TCERG1L: variants seen among roughly 807,000 people sequenced by gnomAD.
TCERG1L encodes transcription elongation regulator 1 like, also known as transcription elongation regulator 1-like protein.
Under a neutral mutation model 56.3 loss-of-function variants are expected in TCERG1L, and 37 were observed. That is an observed-to-expected ratio of 0.66 (90% confidence interval 0.51 to 0.87). The LOEUF is 0.87. Ranked by LOEUF, TCERG1L falls within the 40% of genes least tolerant of loss-of-function variation. TCERG1L has a pLI of 0.00. For synonymous variants in TCERG1L, 324 were observed against 326.3 expected, an observed-to-expected ratio of 0.99 and a Z score of 0.08; for missense variants, 799 against 774.2, an observed-to-expected ratio of 1.03 and a Z score of -0.38.
chr10:131,299,857 TTTTTA>T (rs1051586756), intron 3 of TCERG1L, among the ~76,000 whole-genome samples: 1 of 152,280 alleles, frequency 6.6e-6, no homozygotes. Context: ...TTGACACACA[TTTTTA>T]TTTTGTGTAT....
chr10:131,262,434 G>A (rs1293001873), intron 3 of TCERG1L, among the ~76,000 whole-genome samples: 3 of 152,250 alleles, frequency 2.0e-5, no homozygotes, highest in East Asian at 1.9e-4. Flanking sequence ...GCAGAATTAC[G>A]GCTGATTTTC....
intron 4 of TCERG1L, among the ~76,000 whole-genome samples, chr10:131,199,177 A>T (rs894319444): frequency 6.6e-6 from 1 of 152,132 alleles, no homozygotes; most frequent in Non-Finnish European, 1.5e-5. Flanking sequence ...TCTGGTGAAC[A>T]GCATCTGGCC....
In TCERG1L at chr10:131,163,358, G is replaced by C. The variant is rs1057291195; in HGVS notation, c.946-148C>G. ...AATGACCTCAGCACGGCAGCGCCTG[G>C]CTGGGAGGTTCTGCCAGGAACAGGG... is the stretch of plus-strand genomic sequence containing the variant. On this transcript the variant is annotated intron_variant, in intron 5 of 11. Coordinates refer to ENST00000368642, the MANE Select transcript of TCERG1L (RefSeq NM_174937.4). 3 of 622,822 alleles carry C rather than the reference G, an allele frequency of 4.8e-6. No homozygotes were observed. In the African/African-American group the frequency reaches 5.6e-5, roughly 12 times the overall value. The allele number at this position is 622,822 out of a possible 1,614,324, so 38.6% of individuals were successfully genotyped here. A position where few individuals can be genotyped will look rare whatever the true frequency, so the allele number is the denominator to read the frequency against.
intron 3 of TCERG1L, among the ~76,000 whole-genome samples, chr10:131,275,241 A>G (rs554251902): frequency 6.6e-6 from 1 of 152,276 alleles, no homozygotes; most frequent in Admixed American, 6.5e-5. Flanking sequence ...GCCCCACCGC[A>G]TGGGTATGAA....
At chr10:131,146,695 C>T (rs41282898) in intron 6 of TCERG1L, 35 bp from the exon 7 acceptor site, 13 of 1,583,954 alleles carry the variant, frequency 8.2e-6, no homozygotes, top group African/African-American at 4.1e-5. Context: ...CAGTCGCTCT[C>T]GGAGACACTT....
intron 6 of TCERG1L, among the ~76,000 whole-genome samples, chr10:131,159,036 G>T (rs1319633190): frequency 6.6e-6 from 1 of 152,142 alleles, no homozygotes; most frequent in Non-Finnish European, 1.5e-5. Flanking sequence ...CTGCAGCCCC[G>T]AACCCCGAGC....
chr10:131,132,947 G>A (rs539711537), intron 8 of TCERG1L, among the ~76,000 whole-genome samples: 2 of 152,214 alleles, frequency 1.3e-5, no homozygotes, highest in African/African-American at 2.4e-5. Context: ...GGGGCCAGGC[G>A]GCAGGAGCAC....
intron 3 of TCERG1L, among the ~76,000 whole-genome samples, chr10:131,265,110 T>C (rs1426949153): frequency 6.6e-6 from 1 of 152,074 alleles, no homozygotes; most frequent in Non-Finnish European, 1.5e-5. Context: ...GAAATGAAGA[T>C]GGCCTTTCAT....
At chr10:131,161,325 G>C (rs1475511999) in intron 6 of TCERG1L, 14 of 152,252 alleles carry the variant, frequency 9.2e-5, no homozygotes, top group Admixed American at 9.2e-4. Context: ...CACCAGGCCT[G>C]TGTGAGCACA....
chr10:131,216,996 C>A (rs2133494110), intron 4 of TCERG1L, among the ~76,000 whole-genome samples: 1 of 152,268 alleles, frequency 6.6e-6, no homozygotes, highest in Admixed American at 6.5e-5. Flanking sequence ...TCTCACTCCT[C>A]CACCGTCCCA....
chr10:131,257,125 C>T (rs1379849165), intron 4 of TCERG1L, among the ~76,000 whole-genome samples: 2 of 151,942 alleles, frequency 1.3e-5, no homozygotes, highest in Non-Finnish European at 1.5e-5. Context: ...GGCCTATCAA[C>T]GCTCAGAAGG....
At chr10:131,266,210 G>A (rs1846284161) in intron 3 of TCERG1L, among the ~76,000 whole-genome samples, 1 of 152,182 alleles carries the variant, frequency 6.6e-6, no homozygotes, top group African/African-American at 2.4e-5. Flanking sequence ...ACATCTTCAA[G>A]CTCCACTTCC....
intron 8 of TCERG1L, among the ~76,000 whole-genome samples, chr10:131,126,196 C>G (rs972100316): frequency 9.9e-5 from 15 of 152,242 alleles, no homozygotes; most frequent in African/African-American, 3.4e-4. Context: ...CGTGGCTGGA[C>G]AGCTCACTCC....
intron 10 of TCERG1L, 83 bp downstream of exon 10, chr10:131,104,182 A>C: frequency 2.0e-6 from 2 of 989,130 alleles, no homozygotes; most frequent in Non-Finnish European, 3.1e-6. Flanking sequence ...GTTATTGAGC[A>C]ATGAAAAGCT....
At chr10:131,166,663 C>A in intron 5 of TCERG1L, 134 bp downstream of exon 5, 1 of 872,732 alleles carries the variant, frequency 1.1e-6, no homozygotes, top group Admixed American at 2.4e-5. Context: ...AGTGCCAGGT[C>A]CTGCTGCTTC....
At chr10:131,097,315 G>C (rs1293676349) in intron 11 of TCERG1L, among the ~76,000 whole-genome samples, 1 of 151,576 alleles carries the variant, frequency 6.6e-6, no homozygotes, top group African/African-American at 2.4e-5. Flanking sequence ...CAGTTTTATA[G>C]TTCTAAAAGT....
intron 4 of TCERG1L, among the ~76,000 whole-genome samples, chr10:131,235,910 T>C (rs998569660): frequency 6.6e-6 from 1 of 152,168 alleles, no homozygotes; most frequent in Non-Finnish European, 1.5e-5. Flanking sequence ...CAAATCCCTT[T>C]AAAACAATAG....
intron 3 of TCERG1L, among the ~76,000 whole-genome samples, chr10:131,273,592 A>G (rs2944512): frequency 0.88 from 134,462 of 152,272 alleles, 60,559 homozygotes; most frequent in South Asian, 0.97. Flanking sequence ...TCCCGCCTCC[A>G]TCCAGGCCCC....
chr10:131,291,396 CATTTCTTTT>C (rs1846621029), intron 3 of TCERG1L, among the ~76,000 whole-genome samples: 1 of 67,742 alleles, frequency 1.5e-5, no homozygotes, highest in South Asian at 4.9e-4. Flanking sequence ...CCATAAACAG[CATTTCTTTT>C]TTTTTTTTTT....
Sources: gnomAD v4.1 joint callset for allele counts (sites outside exome capture counted in the v4.1 genomes callset) on GRCh38, gnomAD v4.1.1 for gene constraint, MANE v1.5 for transcripts, NCBI Gene and HGNC (gene_info 2026-07-23, HGNC 2026-07-21) for gene names.